Variants in BICD2 observed in about 807,000 individuals in gnomAD.
The protein encoded by BICD2 is BICD cargo adaptor 2.
A neutral mutation model predicts 72.9 loss-of-function variants in BICD2; 25 were observed. The observed-to-expected ratio is 0.34, with a 90% confidence interval of 0.25 to 0.48. The LOEUF (loss-of-function observed/expected upper bound fraction) is 0.48, where lower values mean the gene tolerates loss of function less well. Ranked by LOEUF, BICD2 falls within the 20% of genes least tolerant of loss-of-function variation. The pLI, the probability that BICD2 is intolerant of heterozygous loss-of-function variation, is 0.99. For synonymous variants in BICD2, 501 were observed against 516.1 expected (o/e 0.97, Z 0.40); for missense variants, 894 against 1,175.2 (o/e 0.76, Z 3.50).
At chr9:92,756,141 C>T (rs1056291984) in intron 1 of BICD2, among the ~76,000 whole-genome samples, 2 of 152,190 alleles carry the variant, frequency 1.3e-5, no homozygotes, top group African/African-American at 2.4e-5. Context: ...AACATCACCT[C>T]AGGTGGGCAG....
At chr9:92,762,185 C>T (rs1854387212) in intron 1 of BICD2, among the ~76,000 whole-genome samples, 1 of 151,928 alleles carries the variant, frequency 6.6e-6, no homozygotes, top group South Asian at 2.1e-4. Context: ...GTACACCGCT[C>T]TACAGGAGAA....
Position 92,720,052 on chromosome 9 carries a change from A to C in BICD2, c.1062+248T>G, listed in dbSNP as rs970183493. 6.6e-6 allele frequency among the ~76,000 whole-genome samples: 1 copy of C among 152,226 alleles called. No individual in the cohort carries two copies. Among genetic ancestry groups the C allele is most frequent in the East Asian group, 1.9e-4 (1 of 5,198 alleles). On this transcript the variant is annotated intron_variant, in intron 4 of 6. Transcript: ENST00000356884. This position sits in a 1 kb window ranked among gnomAD's most constrained non-coding sequence, Gnocchi z 5.4. ...GGGATCACATGTGGGCCAGTGTCTCATCACTTCACCCTGACACCACGTAGT... is the reference window on the plus strand; with the variant it reads ...GGGATCACATGTGGGCCAGTGTCTCCTCACTTCACCCTGACACCACGTAGT...
chr9:92,754,611 G>C (rs1053204299), intron 1 of BICD2, among the ~76,000 whole-genome samples: 1 of 152,228 alleles, frequency 6.6e-6, no homozygotes. Flanking sequence ...CAAACAGAGA[G>C]ACCGGCTGAA....
At chr9:92,730,764 G>A in intron 1 of BICD2, among the ~76,000 whole-genome samples, 1 of 152,170 alleles carries the variant, frequency 6.6e-6, no homozygotes, top group Non-Finnish European at 1.5e-5. Context: ...CTGCACGGGG[G>A]GACTCGGGAT....
chr9:92,714,340 C>T lies in BICD2; in HGVS notation c.*814G>A, dbSNP rs1054261086. The stretch of plus-strand genomic sequence containing the variant: ...TGGGGTCACCCCAAGTACAAAAGGA[C>T]GGGCTCTGCACTAAGGACCAAGGTC... On this transcript the variant is annotated 3_prime_UTR_variant, in exon 7 of 7. Coordinates refer to ENST00000356884, the MANE Select transcript of BICD2 (RefSeq NM_001003800.2). The T allele has an allele frequency of 4.6e-5, 45 of 985,352 alleles. No homozygotes were observed. The highest frequency in any genetic ancestry group is 2.1e-4 in the African/African-American group (12 of 57,246). The allele number at this position is 985,352 out of a possible 1,614,324, so 61.0% of individuals were successfully genotyped here. A position where few individuals can be genotyped will look rare whatever the true frequency, so the allele number is the denominator to read the frequency against.
intron 3 of BICD2, 56 bp downstream of exon 3, chr9:92,722,600 T>G: frequency 6.2e-7 from 1 of 1,606,850 alleles, no homozygotes; most frequent in Non-Finnish European, 8.5e-7. Flanking sequence ...GAGCAAGAGG[T>G]CCTCAAGGCC....
intron 6 of BICD2, 45 bp downstream of exon 6, chr9:92,717,752 C>G (rs747166870): frequency 6.4e-7 from 1 of 1,557,632 alleles, no homozygotes; most frequent in South Asian, 1.2e-5. Context: ...GTGCTGAGGA[C>G]AGCTGGCCTT....
chr9:92,722,202 G>C (rs1448824436), intron 3 of BICD2, among the ~76,000 whole-genome samples: 1 of 152,114 alleles, frequency 6.6e-6, no homozygotes, highest in Non-Finnish European at 1.5e-5. Context: ...ACTCGTCCCT[G>C]TCAGGGGTCC....
intron 1 of BICD2, among the ~76,000 whole-genome samples, chr9:92,742,110 T>C (rs1264965935): frequency 1.3e-5 from 2 of 152,224 alleles, no homozygotes; most frequent in Non-Finnish European, 2.9e-5. Context: ...TAAGATTCCT[T>C]GAGTTGTCAT....
rs1210581877 is a variant in BICD2, at chr9:92,764,825, C to T, written c.-81G>A. Reference sequence around the variant, plus strand: ...CAGCCGCCGCCGCTGCCGCCGCCGCCGCCGCCCTGCCCCGACGGCCGCCCG... The same window carrying T: ...CAGCCGCCGCCGCTGCCGCCGCCGCTGCCGCCCTGCCCCGACGGCCGCCCG... On this transcript the variant is annotated 5_prime_UTR_variant, in exon 1 of 7. Coordinates refer to ENST00000356884, the MANE Select transcript of BICD2 (RefSeq NM_001003800.2). The surrounding 1 kb of genome is among the most constrained non-coding windows in gnomAD (Gnocchi z 5.5). 9.0e-7 allele frequency: 1 copy of T among 1,114,054 alleles called. No homozygotes were observed. The allele number at this position is 1,114,054 out of a possible 1,614,324, so 69.0% of individuals were successfully genotyped here.
intron 1 of BICD2, among the ~76,000 whole-genome samples, chr9:92,758,228 T>G (rs574360530): frequency 8.3e-5 from 12 of 145,178 alleles, no homozygotes; most frequent in South Asian, 6.5e-4. Context: ...ATAATAATAA[T>G]AATATGAATA....
chr9:92,744,771 G>A (rs1020533731), intron 1 of BICD2, among the ~76,000 whole-genome samples: 61 of 152,030 alleles, frequency 4.0e-4, no homozygotes, highest in Non-Finnish European at 1.6e-4. Context: ...AACCCAGGAG[G>A]TGGAGGTAGC....
In BICD2 at chr9:92,729,240, C is replaced by T. The variant is rs1400871977; in HGVS notation, c.241-4G>A. On this transcript the variant is annotated splice_polypyrimidine_tract_variant and splice_region_variant and intron_variant, in intron 1 of 6. Transcript: ENST00000356884. ...TTGTGTGTGCTTGTCCAAAGGCCTG[C>T]ATCAGAAGACAAGACACTCGTGAGG... 1 of 1,613,928 alleles carries T rather than the reference C, an allele frequency of 6.2e-7. No homozygotes were observed. Among genetic ancestry groups the T allele is most frequent in the East Asian group, 2.2e-5 (1 of 44,884 alleles).
intron 2 of BICD2, among the ~76,000 whole-genome samples, chr9:92,728,564 C>T (rs1853613265): frequency 6.6e-6 from 1 of 152,218 alleles, no homozygotes; most frequent in Non-Finnish European, 1.5e-5. Context: ...ACACGCACAC[C>T]CTACCTCGAG....
intron 2 of BICD2, among the ~76,000 whole-genome samples, chr9:92,723,964 G>A (rs919885382): frequency 2.0e-5 from 3 of 152,118 alleles, no homozygotes; most frequent in Non-Finnish European, 2.9e-5. Context: ...CACCAGACAC[G>A]GCTGCCTCCT....
At chr9:92,737,817 G>A (rs1587681102) in intron 1 of BICD2, among the ~76,000 whole-genome samples, 1 of 152,334 alleles carries the variant, frequency 6.6e-6, no homozygotes, top group East Asian at 1.9e-4. Flanking sequence ...TGCAGAGGAG[G>A]AAACAGTGGC....
At chr9:92,737,981 C>G (rs1853822464) in intron 1 of BICD2, among the ~76,000 whole-genome samples, 1 of 152,356 alleles carries the variant, frequency 6.6e-6, no homozygotes, top group East Asian at 1.9e-4. Flanking sequence ...CCTCCTCAGC[C>G]ACATAGGCCT....
Position 92,764,507 on chromosome 9 carries a change from C to A in BICD2, c.238G>T (p.Glu80Ter). ...CAGGGCAGGGCGGCTCGGCTCACCT[C>A]CTTGAGCTGCTCCATCTCGCTGCGG... The part of the protein sequence containing the change: ...AIRSEMEQLK[E>*]AFGQAHTNHK... Residue 80 changes from glutamate to a stop codon, truncating the protein, a stop_gained and splice_region_variant, in exon 1 of 7, where the codon GAG becomes TAG. Coordinates refer to ENST00000356884, the MANE Select transcript of BICD2 (RefSeq NM_001003800.2). LOFTEE classifies it high-confidence loss of function. The surrounding 1 kb of genome is among the most constrained non-coding windows in gnomAD (Gnocchi z 5.5). 6.5e-7 allele frequency: 1 copy of A among 1,530,164 alleles called. No individual in the cohort carries two copies. The highest frequency in any genetic ancestry group is 8.8e-7 in the Non-Finnish European group (1 of 1,138,408). 94.8% of individuals were successfully genotyped at this position (1,530,164 alleles called of 1,614,324 possible). A position where few individuals can be genotyped will look rare whatever the true frequency, so the allele number is the denominator to read the frequency against.
Position 92,764,712 on chromosome 9 carries a change from C to T in BICD2, c.33G>A (p.Ala11=). The T allele has an allele frequency of 6.3e-7, 1 of 1,586,324 alleles. No homozygotes were observed. Among genetic ancestry groups the T allele is most frequent in the Non-Finnish European group, 8.5e-7 (1 of 1,173,070 alleles). The stretch of plus-strand genomic sequence containing the variant: ...CCGGCTGCGCCTCCATCACCAGCCG[C>T]GCGTACTCCTCCTCCTCCGACGGCG... MSAPSEEEEY[A]RLVMEAQPEW... is the part of the protein sequence containing the mutation. The change falls in exon 1 of 7, where the codon GCG becomes GCA. Residue 11 remains alanine (A), a synonymous_variant. Coordinates refer to ENST00000356884, the MANE Select transcript of BICD2 (RefSeq NM_001003800.2). The surrounding 1 kb of genome is among the most constrained non-coding windows in gnomAD (Gnocchi z 5.5).
Sources: gnomAD v4.1 joint callset for allele counts (sites outside exome capture counted in the v4.1 genomes callset) on GRCh38, gnomAD v4.1.1 for gene constraint, Gnocchi (gnomAD v3.1) non-coding constraint, MANE v1.5 for transcripts, NCBI Gene and HGNC (gene_info 2026-07-23, HGNC 2026-07-21) for gene names.